Variants in SLC4A10 observed in about 807,000 individuals in gnomAD.
The protein encoded by SLC4A10 is solute carrier family 4 member 10.
A neutral mutation model predicts 137.7 loss-of-function variants in SLC4A10; 42 were observed. The observed-to-expected ratio is 0.30, with a 90% CI of 0.24 to 0.39. SLC4A10 has a LOEUF of 0.39. Among genes scored for constraint, SLC4A10 ranks in the 10% least tolerant of loss-of-function variants. SLC4A10 has a pLI of 1.00. For synonymous variants in SLC4A10, 474 were observed against 464.1 expected, an observed-to-expected ratio of 1.02 and a Z score of -0.27; for missense variants, 925 against 1,355.0, an observed-to-expected ratio of 0.68 and a Z score of 4.98.
intron 1 of SLC4A10, among the ~76,000 whole-genome samples, chr2:161,647,900 G>C (rs989369812): frequency 6.6e-6 from 1 of 152,142 alleles, no homozygotes; most frequent in African/African-American, 2.4e-5. Context: ...ACTAGTACTC[G>C]CTGCAGAGCA....
At chr2:161,708,392 CT>C (rs1176553205) in intron 1 of SLC4A10, among the ~76,000 whole-genome samples, 2 of 151,498 alleles carry the variant, frequency 1.3e-5, no homozygotes, top group Non-Finnish European at 3.0e-5. Flanking sequence ...TGGAAAACTG[CT>C]TATTTTTAAA....
intron 1 of SLC4A10, among the ~76,000 whole-genome samples, chr2:161,721,694 G>A (rs1326769419): frequency 2.0e-5 from 3 of 152,028 alleles, no homozygotes; most frequent in Non-Finnish European, 4.4e-5. Context: ...ATTATCTTAC[G>A]GGGGTTCTCT....
chr2:161,865,012 T>G (rs995031929), intron 6 of SLC4A10, among the ~76,000 whole-genome samples: 1 of 152,142 alleles, frequency 6.6e-6, no homozygotes, highest in Non-Finnish European at 1.5e-5. Context: ...ACTTTTACCT[T>G]CATAACTTTT....
intron 1 of SLC4A10, among the ~76,000 whole-genome samples, chr2:161,728,957 A>G (rs895208740): frequency 6.6e-6 from 1 of 152,168 alleles, no homozygotes; most frequent in Non-Finnish European, 1.5e-5. Context: ...CCATATGATC[A>G]TTTTAATTGA....
intron 1 of SLC4A10, among the ~76,000 whole-genome samples, chr2:161,721,374 G>A (rs1453388443): frequency 1.3e-5 from 2 of 152,102 alleles, no homozygotes; most frequent in African/African-American, 4.8e-5. Flanking sequence ...AAGGCAGGCA[G>A]GCCAGGTGGT....
chr2:161,954,527 G>A (rs1168017499), intron 19 of SLC4A10, among the ~76,000 whole-genome samples: 3 of 152,106 alleles, frequency 2.0e-5, no homozygotes, highest in African/African-American at 7.2e-5. Context: ...GTCTGACAAA[G>A]GGATACTTCT....
intron 1 of SLC4A10, among the ~76,000 whole-genome samples, chr2:161,769,109 A>G (rs558513643): frequency 1.1e-4 from 16 of 151,980 alleles, no homozygotes; most frequent in Admixed American, 9.2e-4. Context: ...TTCATTTAGT[A>G]TAGCCCATTT....
chr2:161,913,944 T>C (rs1344467232), intron 15 of SLC4A10, among the ~76,000 whole-genome samples: 1 of 152,232 alleles, frequency 6.6e-6, no homozygotes, highest in African/African-American at 2.4e-5. Flanking sequence ...ACATTAGTCA[T>C]TCATTCATCT....
At chr2:161,845,957 G>A (rs116786426) in intron 4 of SLC4A10, among the ~76,000 whole-genome samples, 3 of 152,152 alleles carry the variant, frequency 2.0e-5, no homozygotes, top group Non-Finnish European at 4.4e-5. Flanking sequence ...AGCGCAATTC[G>A]TAAAAGGAAA....
intron 10 of SLC4A10, among the ~76,000 whole-genome samples, chr2:161,889,102 G>A (rs1396516952): frequency 1.3e-5 from 2 of 152,276 alleles, no homozygotes; most frequent in South Asian, 2.1e-4. Flanking sequence ...ATTTCTGTAA[G>A]TTGAACCAGC....
At chr2:161,736,414 C>T (rs898461646) in intron 1 of SLC4A10, among the ~76,000 whole-genome samples, 2 of 152,084 alleles carry the variant, frequency 1.3e-5, no homozygotes, top group African/African-American at 4.8e-5. Context: ...TCTCACACTG[C>T]TATGGAGAAA....
At chr2:161,655,740 C>T (rs983260687) in intron 1 of SLC4A10, among the ~76,000 whole-genome samples, 1 of 152,082 alleles carries the variant, frequency 6.6e-6, no homozygotes, top group African/African-American at 2.4e-5. Context: ...GAGAAAACTA[C>T]AGGCCAATAT....
At chr2:161,927,161 C>G (rs1689309752) in intron 15 of SLC4A10, among the ~76,000 whole-genome samples, 1 of 152,200 alleles carries the variant, frequency 6.6e-6, no homozygotes, top group African/African-American at 2.4e-5. Flanking sequence ...TGTTTTCCAA[C>G]TTGGTTCCAT....
chr2:161,762,033 C>A (rs191309126), intron 1 of SLC4A10, among the ~76,000 whole-genome samples: 2 of 151,940 alleles, frequency 1.3e-5, no homozygotes, highest in Non-Finnish European at 2.9e-5. Flanking sequence ...AATTGCTTTG[C>A]GTAAATAAAT....
Position 161,716,178 on chromosome 2 carries a change from G to GT in SLC4A10, c.49-54783dup, listed in dbSNP as rs35632198. ...ATGTCCTTTGCCCACTTTTTGATGG[G>GT]TTTTTTTTTTTTCTTGTAAATTTGT... On this transcript the variant is annotated intron_variant, in intron 1 of 26. Transcript: ENST00000446997. Among the ~76,000 whole-genome samples the GT allele has an allele frequency of 1.7e-3, 254 of 146,364 alleles. 2 individuals carry two copies. In the South Asian group the frequency reaches 0.02, roughly 12 times the overall value.
chr2:161,735,482 A>T (rs1435314594), intron 1 of SLC4A10, among the ~76,000 whole-genome samples: 1 of 152,128 alleles, frequency 6.6e-6, no homozygotes, highest in Non-Finnish European at 1.5e-5. Context: ...TGATCTTAGG[A>T]TTTTAAGTTA....
chr2:161,903,993 C>A lies in SLC4A10; in HGVS notation c.1443-11C>A. 6.4e-7 allele frequency: 1 copy of A among 1,555,472 alleles called. No homozygotes were observed. Among genetic ancestry groups the A allele is most frequent in the Non-Finnish European group, 8.7e-7 (1 of 1,148,474 alleles). On this transcript the variant is annotated splice_polypyrimidine_tract_variant and intron_variant, in intron 12 of 26. Transcript: ENST00000446997. ...TTGGGTTTCACTATTGTGTTTTCCC[C>A]CCTGTCTTAGGATTTTTGGGGGACT...
At chr2:161,826,214 C>A (rs1196991806) in intron 3 of SLC4A10, among the ~76,000 whole-genome samples, 1 of 152,166 alleles carries the variant, frequency 6.6e-6, no homozygotes, top group African/African-American at 2.4e-5. Context: ...ACAGAACTAC[C>A]AAACTTGTCA....
At chr2:161,751,023 G>A (rs2048908659) in intron 1 of SLC4A10, among the ~76,000 whole-genome samples, 2 of 151,692 alleles carry the variant, frequency 1.3e-5, no homozygotes, top group African/African-American at 4.8e-5. Flanking sequence ...TCTGAAATAA[G>A]TATAGCTACT....
Sources: allele counts gnomAD v4.1 joint callset (sites outside exome capture counted in the v4.1 genomes callset), GRCh38; gene constraint gnomAD v4.1.1; transcripts MANE v1.5; gene names NCBI Gene and HGNC (gene_info 2026-07-23, HGNC 2026-07-21).